SPIDR: variants seen among roughly 807,000 people sequenced by gnomAD.
The protein encoded by SPIDR is DNA repair-scaffolding protein.
In SPIDR, 93 loss-of-function variants were observed where a neutral mutation model predicts 104.6. The observed-to-expected ratio is 0.89, with a 90% CI of 0.75 to 1.06. The LOEUF (loss-of-function observed/expected upper bound fraction) is 1.06. Among genes scored for constraint, SPIDR ranks in the 50% least tolerant of loss-of-function variants. The probability of loss-of-function intolerance (pLI) is 0.00; values close to 1 mark genes in which losing one functional copy is unlikely to be tolerated. For synonymous variants in SPIDR, 431 were observed against 416.9 expected, an observed-to-expected ratio of 1.03 and a Z score of -0.41; for missense variants, 1,154 against 1,111.2, an observed-to-expected ratio of 1.04 and a Z score of -0.55.
intron 5 of SPIDR, among the ~76,000 whole-genome samples, chr8:47,360,210 C>G (rs1446135474): frequency 7.5e-6 from 1 of 133,458 alleles, no homozygotes; most frequent in East Asian, 2.2e-4. Flanking sequence ...CCACTGTGCT[C>G]CAGCCTGGGC....
chr8:47,636,602 C>G (rs369594532), intron 10 of SPIDR, among the ~76,000 whole-genome samples: 1 of 152,252 alleles, frequency 6.6e-6, no homozygotes, highest in East Asian at 1.9e-4. Flanking sequence ...TGGAGGATCA[C>G]TTGAGCCCAG....
At chr8:47,455,429 CAG>C (rs749710186) in intron 8 of SPIDR, among the ~76,000 whole-genome samples, 2 of 150,546 alleles carry the variant, frequency 1.3e-5, no homozygotes, top group Admixed American at 6.6e-5. Context: ...ACAAAAAAAA[CAG>C]AAAAATATCT....
chr8:47,274,736 C>T (rs1033526518), intron 1 of SPIDR, among the ~76,000 whole-genome samples: 6 of 151,526 alleles, frequency 4.0e-5, no homozygotes, highest in East Asian at 2.0e-4. Flanking sequence ...CGACCACACC[C>T]GGCTAATTTT....
intron 7 of SPIDR, among the ~76,000 whole-genome samples, chr8:47,420,693 C>G (rs1245044253): frequency 2.6e-5 from 4 of 152,146 alleles, no homozygotes; most frequent in Non-Finnish European, 5.9e-5. Flanking sequence ...TTAGTTGATG[C>G]AGTTTCTTCT....
At chr8:47,728,413 G>A (rs151007495) in intron 17 of SPIDR, among the ~76,000 whole-genome samples, 155 of 152,106 alleles carry the variant, frequency 1.0e-3, no homozygotes, top group African/African-American at 3.5e-3. Context: ...CTCCAACCTG[G>A]GTAACAGAGA....
intron 10 of SPIDR, among the ~76,000 whole-genome samples, chr8:47,608,864 C>T (rs1306685772): frequency 6.6e-6 from 1 of 152,218 alleles, no homozygotes; most frequent in Non-Finnish European, 1.5e-5. Context: ...GCTGGGACTA[C>T]ACGTGCGTGT....
At chr8:47,653,099 G>A (rs982443895) in intron 10 of SPIDR, among the ~76,000 whole-genome samples, 2 of 152,164 alleles carry the variant, frequency 1.3e-5, no homozygotes, top group African/African-American at 2.4e-5. Context: ...GCACAGGAGG[G>A]ATGCTAATCC....
At chr8:47,272,716 C>T (rs1015446704) in intron 1 of SPIDR, among the ~76,000 whole-genome samples, 16 of 152,042 alleles carry the variant, frequency 1.1e-4, no homozygotes, top group Non-Finnish European at 2.2e-4. Flanking sequence ...CTTAGTTCAG[C>T]TAAAATCTGG....
intron 5 of SPIDR, among the ~76,000 whole-genome samples, chr8:47,304,714 CTG>C (rs1467246413): frequency 1.3e-5 from 2 of 152,160 alleles, no homozygotes; most frequent in East Asian, 3.9e-4. Flanking sequence ...GCCTGCAGAA[CTG>C]TGAGCCAGTT....
At chr8:47,543,530 T>C (rs1462125188) in intron 8 of SPIDR, among the ~76,000 whole-genome samples, 1 of 152,136 alleles carries the variant, frequency 6.6e-6, no homozygotes, top group Non-Finnish European at 1.5e-5. Context: ...ACAAGCAATT[T>C]AAGAGAGGAA....
At chr8:47,626,007 C>A (rs2066027306) in intron 10 of SPIDR, among the ~76,000 whole-genome samples, 1 of 152,124 alleles carries the variant, frequency 6.6e-6, no homozygotes, top group African/African-American at 2.4e-5. Context: ...GCTACAGTAA[C>A]CAAAACAGCA....
At chr8:47,668,791 T>C (rs1160850412) in intron 10 of SPIDR, among the ~76,000 whole-genome samples, 1 of 152,148 alleles carries the variant, frequency 6.6e-6, no homozygotes, top group Non-Finnish European at 1.5e-5. Flanking sequence ...TACAAGGCCA[T>C]TGTATTTCTA....
intron 8 of SPIDR, among the ~76,000 whole-genome samples, chr8:47,530,104 C>A (rs1309998147): frequency 6.6e-6 from 1 of 152,172 alleles, no homozygotes; most frequent in Non-Finnish European, 1.5e-5. Flanking sequence ...TGCTCCTAGG[C>A]TACACACTTG....
At chr8:47,684,162 A>G (rs949842519) in intron 11 of SPIDR, among the ~76,000 whole-genome samples, 1 of 151,654 alleles carries the variant, frequency 6.6e-6, no homozygotes, top group African/African-American at 2.4e-5. Context: ...CCTGATTAAT[A>G]AATGATGAAA....
At chr8:47,713,164 C>A in intron 15 of SPIDR, 1 of 701,170 alleles carries the variant, frequency 1.4e-6, no homozygotes, top group East Asian at 3.0e-5. Context: ...ATTATAAATG[C>A]GTATACTTAG....
At chr8:47,620,434 A>AT (rs1347476063) in intron 10 of SPIDR, among the ~76,000 whole-genome samples, 2 of 151,314 alleles carry the variant, frequency 1.3e-5, no homozygotes, top group Middle Eastern at 3.2e-3. Context: ...CACCTGGCTA[A>AT]TTTTTTTATT....
intron 5 of SPIDR, among the ~76,000 whole-genome samples, chr8:47,366,135 G>C (rs1406442218): frequency 2.0e-5 from 3 of 152,128 alleles, no homozygotes; most frequent in African/African-American, 7.2e-5. Context: ...TGAGAGTGAT[G>C]AGACGTCTTT....
intron 5 of SPIDR, among the ~76,000 whole-genome samples, chr8:47,350,470 T>C (rs547702526): frequency 6.6e-6 from 1 of 152,228 alleles, no homozygotes; most frequent in East Asian, 1.9e-4. Context: ...TGTGCCACCA[T>C]GCCTGGCTAA....
intron 11 of SPIDR, among the ~76,000 whole-genome samples, chr8:47,687,975 T>C (rs2078037142): frequency 6.7e-6 from 1 of 149,912 alleles, no homozygotes; most frequent in African/African-American, 2.5e-5. Context: ...GATGGGAGAA[T>C]CACTGGGTGA....
Sources: allele counts gnomAD v4.1 joint callset (sites outside exome capture counted in the v4.1 genomes callset), GRCh38; gene constraint gnomAD v4.1.1; transcripts MANE v1.5; gene names NCBI Gene and HGNC (gene_info 2026-07-23, HGNC 2026-07-21).